The following ARHGEF6 variants were observed in gnomAD, a reference collection of about 807,000 sequenced individuals.
ARHGEF6 encodes the protein rho guanine nucleotide exchange factor 6.
ARHGEF6 carries 9 observed loss-of-function variants against 70.3 expected under a neutral mutation model. The observed-to-expected ratio is 0.13, with a 90% CI of 0.08 to 0.22. The LOEUF is 0.22. Ranked by LOEUF, ARHGEF6 falls within the 10% of genes least tolerant of loss-of-function variation. The probability of loss-of-function intolerance (pLI) is 1.00; values close to 1 mark genes in which losing one functional copy is unlikely to be tolerated. For synonymous variants in ARHGEF6, 201 were observed against 207.8 expected (o/e 0.97, Z 0.28); for missense variants, 470 against 563.0 (o/e 0.83, Z 1.67).
chrX:136,739,936 C>T (rs1255502531), intron 5 of ARHGEF6, among the ~76,000 whole-genome samples: 1 of 111,581 alleles, frequency 9.0e-6, no homozygotes, highest in Admixed American at 9.5e-5. Context: ...TCCTGGAGGA[C>T]CTTGGAGGCT....
At chrX:136,668,521 C>A (rs1170247555) in intron 21 of ARHGEF6, among the ~76,000 whole-genome samples, 28 of 98,884 alleles carry the variant, frequency 2.8e-4, no homozygotes, top group African/African-American at 1.1e-3. Flanking sequence ...ATTTCTTCTT[C>A]TTCTTCTTCT....
intron 8 of ARHGEF6, among the ~76,000 whole-genome samples, chrX:136,707,618 T>A (rs977035191): frequency 8.9e-6 from 1 of 112,048 alleles, no homozygotes; most frequent in Non-Finnish European, 1.9e-5. Context: ...TGTTTCTCTA[T>A]AAAATGGAAA....
At chrX:136,775,560 G>T (rs2077397821) in intron 2 of ARHGEF6, among the ~76,000 whole-genome samples, 1 of 111,550 alleles carries the variant, frequency 9.0e-6, no homozygotes, top group African/African-American at 3.3e-5. Flanking sequence ...GGTAATAAAA[G>T]CCATCTATGA....
rs190139281 is a variant in ARHGEF6 at position 136,773,090 on chromosome X, A to C, written c.249+6324T>G. Among the ~76,000 whole-genome samples, 3 of 111,501 alleles carry C rather than the reference A, an allele frequency of 2.7e-5. No individual in the cohort carries two copies. The Admixed American group carries it at 2.9e-4, about 11-fold the overall frequency. Reference sequence around the variant, plus strand: ...CTGGCCACCCAGAGGACCAGAAGGCAACAGCTTTTTTAATGTCGTCACCAT... The same window carrying C: ...CTGGCCACCCAGAGGACCAGAAGGCCACAGCTTTTTTAATGTCGTCACCAT... On this transcript the variant is annotated intron_variant, in intron 2 of 21. Transcript: ENST00000250617.
rs146690935 is a variant in ARHGEF6, at chrX:136,715,527, C to G, written c.733-2157G>C. Among the ~76,000 whole-genome samples the G allele has an allele frequency of 2.2e-3, 245 of 110,664 alleles. 2 individuals carry two copies. Among genetic ancestry groups the G allele is most frequent in the African/African-American group, 7.7e-3 (235 of 30,459 alleles). ...TAAATCTGTCAGAAAAGAGAGGTCACAGGGAAAACTGCTACTCCAAAAATT... is the reference window on the plus strand; with the variant it reads ...TAAATCTGTCAGAAAAGAGAGGTCAGAGGGAAAACTGCTACTCCAAAAATT... On this transcript the variant is annotated intron_variant, in intron 6 of 21. Transcript: ENST00000250617.
intron 9 of ARHGEF6, among the ~76,000 whole-genome samples, chrX:136,700,719 C>T (rs2076562627): frequency 8.9e-6 from 1 of 111,836 alleles, no homozygotes. Context: ...TCATGTCTGC[C>T]TTCCAACAAA....
At position 136,747,712 on chromosome X, in the gene ARHGEF6, A is replaced by G. The variant is rs10126653; in HGVS notation, c.250-120T>C. ...AAAAAAAAAAAAAAAAAAAGTGTAG[A>G]AGCCAAGACACAAACCTCCATATAC... On this transcript the variant is annotated intron_variant, in intron 2 of 21. Transcript: ENST00000250617. The G allele has an allele frequency of 2.1e-3, 1,015 of 482,063 alleles. 13 individuals are homozygous for G. The African/African-American group carries it at 0.025, about 12-fold the overall frequency. 39.7% of individuals were successfully genotyped at this position (482,063 alleles called of 1,213,427 possible). A position where few individuals can be genotyped will look rare whatever the true frequency, so the allele number is the denominator to read the frequency against.
intron 9 of ARHGEF6, among the ~76,000 whole-genome samples, chrX:136,692,532 A>G (rs902859413): frequency 3.6e-5 from 4 of 112,465 alleles, no homozygotes; most frequent in Admixed American, 2.8e-4. Context: ...CATGCTTATA[A>G]GAGAGATAAA....
In ARHGEF6 at chrX:136,679,592, T is replaced by C. The variant is rs1289903254; in HGVS notation, c.1773A>G (p.Leu591=). ...GTGGAGGTGCAGGTCGTAGACAACT[T>C]AAACTCCACGGTTTTATAATTTGAG... ...EPPQIIKPWS[L]SCLRPAPPLR... The change falls in exon 16 of 22, where the codon TTA becomes TTG. Residue 591 remains leucine (L), a synonymous_variant. Coordinates refer to ENST00000250617, the MANE Select transcript of ARHGEF6 (RefSeq NM_004840.3). The C allele has an allele frequency of 8.3e-7, 1 of 1,211,122 alleles. No homozygotes were observed. The highest frequency in any genetic ancestry group is 1.1e-6 in the Non-Finnish European group (1 of 894,800).
At chrX:136,686,709 C>CATATATATATATATAT (rs35706788) in intron 11 of ARHGEF6, among the ~76,000 whole-genome samples, 3 of 63,136 alleles carry the variant, frequency 4.8e-5, no homozygotes, top group African/African-American at 5.9e-5. Flanking sequence ...TATATATATA[C>CATATATATATATATAT]ATATATATAT....
chrX:136,701,024 A>G (rs761272796), intron 9 of ARHGEF6, among the ~76,000 whole-genome samples: 22 of 112,144 alleles, frequency 2.0e-4, no homozygotes, highest in Admixed American at 7.6e-4. Flanking sequence ...GGCTAAACAT[A>G]GCTGAGGAAA....
chrX:136,701,307 T>G (rs1231119380), intron 9 of ARHGEF6, among the ~76,000 whole-genome samples: 2 of 111,563 alleles, frequency 1.8e-5, no homozygotes, highest in Non-Finnish European at 3.8e-5. Context: ...GCAAAACATA[T>G]CTACACCTAG....
chrX:136,682,175 C>T (rs2076339252), intron 13 of ARHGEF6, among the ~76,000 whole-genome samples: 1 of 111,647 alleles, frequency 9.0e-6, no homozygotes, highest in Admixed American at 9.5e-5. Flanking sequence ...GCTAACACAC[C>T]CTAAACTATA....
At chrX:136,778,478 T>C (rs2077423304) in intron 2 of ARHGEF6, among the ~76,000 whole-genome samples, 1 of 110,808 alleles carries the variant, frequency 9.0e-6, no homozygotes, top group Non-Finnish European at 1.9e-5. Context: ...TTATGCAGTA[T>C]CTTATTTGAT....
intron 2 of ARHGEF6, among the ~76,000 whole-genome samples, chrX:136,759,568 TAC>T (rs2077244939): frequency 9.5e-6 from 1 of 105,423 alleles, no homozygotes; most frequent in Non-Finnish European, 1.9e-5. Context: ...AGGCGGAGGT[TAC>T]AGTGAGCCAA....
intron 6 of ARHGEF6, among the ~76,000 whole-genome samples, chrX:136,717,261 T>A (rs1371127837): frequency 8.9e-6 from 1 of 112,214 alleles, no homozygotes; most frequent in African/African-American, 3.2e-5. Context: ...CAAATAAAAG[T>A]TACATCTGAC....
At chrX:136,676,596 C>A in intron 18 of ARHGEF6, 28 bp downstream of exon 18, 1 of 1,093,854 alleles carries the variant, frequency 9.1e-7, no homozygotes, top group Non-Finnish European at 1.3e-6. Context: ...TATCCATAAA[C>A]AACTTTCAGA....
intron 2 of ARHGEF6, among the ~76,000 whole-genome samples, chrX:136,763,803 C>A (rs767146127): frequency 9.0e-6 from 1 of 111,261 alleles, no homozygotes; most frequent in South Asian, 3.8e-4. Flanking sequence ...CCAGCCTGGG[C>A]AACAGAGCGA....
intron 7 of ARHGEF6, among the ~76,000 whole-genome samples, chrX:136,712,235 A>G (rs1406265319): frequency 1.8e-5 from 2 of 110,847 alleles, no homozygotes; most frequent in Admixed American, 9.6e-5. Flanking sequence ...CAGCCTCCCA[A>G]GTAGTTGGGA....
Sources: gnomAD v4.1 joint callset for allele counts (sites outside exome capture counted in the v4.1 genomes callset) on GRCh38, gnomAD v4.1.1 for gene constraint, MANE v1.5 for transcripts, NCBI Gene and HGNC (gene_info 2026-07-23, HGNC 2026-07-21) for gene names.